INPP4B: variants seen among roughly 807,000 people sequenced by gnomAD.
INPP4B encodes the protein inositol polyphosphate-4-phosphatase type II B, also known as inositol polyphosphate 4-phosphatase type II.
In INPP4B, 55 loss-of-function variants were observed where a neutral mutation model predicts 122.5. The observed-to-expected ratio is 0.45, with a 90% CI of 0.36 to 0.56. The LOEUF (loss-of-function observed/expected upper bound fraction) is 0.56. Ranked by LOEUF, INPP4B falls within the 20% of genes least tolerant of loss-of-function variation. The probability of loss-of-function intolerance (pLI) is 0.00; values close to 1 mark genes in which losing one functional copy is unlikely to be tolerated. For missense variants in INPP4B, 1,000 were observed against 1,097.7 expected, an observed-to-expected ratio of 0.91 and a Z score of 1.26; for synonymous variants, 403 against 388.7, an observed-to-expected ratio of 1.04 and a Z score of -0.43.
chr4:142,214,845 G>A (rs189674891), intron 12 of INPP4B, among the ~76,000 whole-genome samples: 44 of 152,294 alleles, frequency 2.9e-4, no homozygotes, highest in East Asian at 1.2e-3. Context: ...GAGCCACTGC[G>A]CCCGACCCAG....
intron 18 of INPP4B, among the ~76,000 whole-genome samples, chr4:142,130,221 C>A (rs567415487): frequency 2.6e-5 from 4 of 152,050 alleles, no homozygotes; most frequent in African/African-American, 9.7e-5. Flanking sequence ...CACAGTGAGG[C>A]TTTGTAGGAA....
intron 25 of INPP4B, among the ~76,000 whole-genome samples, chr4:142,077,347 G>T (rs1460565347): frequency 6.6e-6 from 1 of 151,880 alleles, no homozygotes. Context: ...GAACTATGGT[G>T]TCACATTACT....
chr4:142,308,900 T>C (rs1000975029), intron 8 of INPP4B, among the ~76,000 whole-genome samples: 1 of 152,124 alleles, frequency 6.6e-6, no homozygotes, highest in African/African-American at 2.4e-5. Context: ...AATGAAAATC[T>C]GGACAATTAC....
At chr4:142,814,751 GATATAA>G (rs1437593823) in intron 1 of INPP4B, among the ~76,000 whole-genome samples, 1 of 152,120 alleles carries the variant, frequency 6.6e-6, no homozygotes, top group Non-Finnish European at 1.5e-5. Context: ...AGTCCATAGT[GATATAA>G]ATAAATGATG....
intron 2 of INPP4B, among the ~76,000 whole-genome samples, chr4:142,549,567 T>G (rs1331802403): frequency 2.6e-5 from 4 of 152,132 alleles, no homozygotes; most frequent in African/African-American, 9.7e-5. Flanking sequence ...TTCCAATGAC[T>G]AAGATGTCTT....
intron 14 of INPP4B, among the ~76,000 whole-genome samples, chr4:142,194,442 A>T (rs1175166697): frequency 6.6e-6 from 1 of 152,182 alleles, no homozygotes; most frequent in African/African-American, 2.4e-5. Flanking sequence ...TGTTAATTAC[A>T]TAATTACATC....
At chr4:142,241,921 C>T (rs954582027) in intron 11 of INPP4B, among the ~76,000 whole-genome samples, 4 of 152,106 alleles carry the variant, frequency 2.6e-5, no homozygotes, top group African/African-American at 7.2e-5. Flanking sequence ...TTCCAGTACA[C>T]GATAGAAGCA....
At chr4:142,806,623 A>G (rs2151105924) in intron 1 of INPP4B, among the ~76,000 whole-genome samples, 1 of 151,976 alleles carries the variant, frequency 6.6e-6, no homozygotes, top group African/African-American at 2.4e-5. Context: ...ATGTGCCTGT[A>G]GTCCCAGATG....
chr4:142,255,390 G>A (rs922291024), intron 11 of INPP4B, among the ~76,000 whole-genome samples: 4 of 152,070 alleles, frequency 2.6e-5, no homozygotes, highest in African/African-American at 4.8e-5. Context: ...AAATGCTCCA[G>A]TTAAAAGACA....
intron 7 of INPP4B, among the ~76,000 whole-genome samples, chr4:142,392,664 C>T (rs1416353725): frequency 6.6e-6 from 1 of 152,142 alleles, no homozygotes; most frequent in Non-Finnish European, 1.5e-5. Context: ...GAAATGTATC[C>T]CTCACGATAG....
rs571183175 is a variant in INPP4B at position 142,565,233 on chromosome 4, G to T, written c.-190-102507C>A. Among the ~76,000 whole-genome samples, 4 of 152,114 alleles carry T rather than the reference G, an allele frequency of 2.6e-5. No homozygotes were observed. In the South Asian group the frequency reaches 6.2e-4, roughly 24 times the overall value. ...TCCTTGGAGAAACAGCTGAATCCAG[G>T]GCTGAAGGAGAAAAAATAAGATGAG... On this transcript the variant is annotated intron_variant, in intron 2 of 25. Transcript: ENST00000262992.
chr4:142,548,630 G>A (rs1385169404), intron 2 of INPP4B, among the ~76,000 whole-genome samples: 1 of 151,904 alleles, frequency 6.6e-6, no homozygotes, highest in Non-Finnish European at 1.5e-5. Context: ...TTGTTTTGTA[G>A]ATACAATAGA....
At chr4:142,162,095 A>C (rs377122908) in intron 16 of INPP4B, among the ~76,000 whole-genome samples, 8 of 151,954 alleles carry the variant, frequency 5.3e-5, no homozygotes, top group Admixed American at 3.3e-4. Flanking sequence ...TTTACTGCTA[A>C]ATTTTGTTGA....
At chr4:142,270,264 C>T (rs756937545) in intron 10 of INPP4B, among the ~76,000 whole-genome samples, 1 of 152,132 alleles carries the variant, frequency 6.6e-6, no homozygotes, top group South Asian at 2.1e-4. Flanking sequence ...AAATTAAAAT[C>T]GCATATCTTT....
intron 7 of INPP4B, among the ~76,000 whole-genome samples, chr4:142,387,170 T>C (rs954147007): frequency 1.3e-5 from 2 of 152,026 alleles, no homozygotes; most frequent in African/African-American, 4.8e-5. Flanking sequence ...TGGTAGTAAA[T>C]GGTAATATTG....
intron 12 of INPP4B, 54 bp from the exon 13 acceptor site, chr4:142,209,080 G>T: frequency 3.0e-6 from 4 of 1,345,224 alleles, no homozygotes; most frequent in South Asian, 3.0e-5. Flanking sequence ...ATCCATAAAC[G>T]CATAACCCTT....
chr4:142,339,258 T>C (rs1453755609), intron 7 of INPP4B, among the ~76,000 whole-genome samples: 6 of 152,190 alleles, frequency 3.9e-5, no homozygotes, highest in African/African-American at 1.4e-4. Context: ...AATTTGCAAG[T>C]GCCGTCTGTT....
intron 14 of INPP4B, among the ~76,000 whole-genome samples, chr4:142,205,340 G>T (rs1287062529): frequency 6.6e-6 from 1 of 152,030 alleles, no homozygotes; most frequent in Non-Finnish European, 1.5e-5. Flanking sequence ...TCTACCCATG[G>T]CTGTAAAGCA....
At chr4:142,183,202 T>TAACACACA (rs1203132228) in intron 15 of INPP4B, among the ~76,000 whole-genome samples, 17 of 152,152 alleles carry the variant, frequency 1.1e-4, no homozygotes, top group Admixed American at 1.0e-3. Flanking sequence ...CCTCCACTCC[T>TAACACACA]AACACACATA....
Sources: gnomAD v4.1 joint callset for allele counts (sites outside exome capture counted in the v4.1 genomes callset) on GRCh38, gnomAD v4.1.1 for gene constraint, MANE v1.5 for transcripts, NCBI Gene and HGNC (gene_info 2026-07-23, HGNC 2026-07-21) for gene names.